The following CELF2 variants were observed in gnomAD, a reference collection of about 807,000 sequenced individuals.
The protein encoded by CELF2 is CUG triplet repeat RNA-binding protein 2.
A neutral mutation model predicts 62.6 loss-of-function variants in CELF2; 8 were observed. The ratio of observed to expected loss-of-function variants is 0.13; its 90% CI spans 0.07 to 0.23. The LOEUF (loss-of-function observed/expected upper bound fraction) is 0.23, where lower values mean the gene tolerates loss of function less well. Among genes scored for constraint, CELF2 ranks in the 10% least tolerant of loss-of-function variants. The probability of loss-of-function intolerance (pLI) is 1.00; values close to 1 mark genes in which losing one functional copy is unlikely to be tolerated. For missense variants in CELF2, 333 were observed against 671.0 expected, an observed-to-expected ratio of 0.50 and a Z score of 5.56; for synonymous variants, 258 against 250.0, an observed-to-expected ratio of 1.03 and a Z score of -0.30.
the CELF2 span, among the ~76,000 whole-genome samples, chr10:10,576,941 A>G: frequency 1.3e-5 from 2 of 152,358 alleles, no homozygotes; most frequent in East Asian, 3.9e-4. Context: ...GGAAGAGGCT[A>G]TTCTACCCCC....
At chr10:10,754,612 T>G in the CELF2 span, among the ~76,000 whole-genome samples, 1 of 152,202 alleles carries the variant, frequency 6.6e-6, no homozygotes, top group Non-Finnish European at 1.5e-5. Context: ...CCAGGTCTAT[T>G]TTTGTTGTTC....
chr10:11,015,914 C>A (rs1436237853), upstream of CELF2, among the ~76,000 whole-genome samples: 2 of 151,710 alleles, frequency 1.3e-5, no homozygotes, highest in Admixed American at 1.3e-4. This position sits in a 1 kb window ranked among gnomAD's most constrained non-coding sequence, Gnocchi z 4.8. Flanking sequence ...GAAACATGTT[C>A]TACCTTATAG....
In CELF2 at chr10:11,243,967, T is replaced by G. The variant is rs2074814478; in HGVS notation, c.355-5186T>G. Among the ~76,000 whole-genome samples, 1 of 152,054 alleles carries G rather than the reference T, an allele frequency of 6.6e-6. No individual in the cohort carries two copies. Among genetic ancestry groups the G allele is most frequent in the South Asian group, 2.1e-4 (1 of 4,820 alleles). On this transcript the variant is annotated intron_variant, in intron 3 of 12. Coordinates refer to ENST00000633077, the MANE Select transcript of CELF2 (RefSeq NM_001326342.2). The surrounding 1 kb of genome is among the most constrained non-coding windows in gnomAD (Gnocchi z 4.1). Reference sequence around the variant, plus strand: ...CTCAGCCCTGACCCTAGCCACACAGTAGGTAGATTGAATTAGCGACCACCA... The same window carrying G: ...CTCAGCCCTGACCCTAGCCACACAGGAGGTAGATTGAATTAGCGACCACCA...
At chr10:11,148,527 A>G (rs1419703288) in intron 1 of CELF2, among the ~76,000 whole-genome samples, 1 of 152,204 alleles carries the variant, frequency 6.6e-6, no homozygotes, top group Non-Finnish European at 1.5e-5. Context: ...AGTCAAGGGC[A>G]GTTTGACACT....
the CELF2 span, among the ~76,000 whole-genome samples, chr10:10,770,811 T>C: frequency 6.6e-6 from 1 of 152,342 alleles, no homozygotes; most frequent in South Asian, 2.1e-4. Context: ...TAATGGATGA[T>C]GAATGCTTGA....
chr10:10,922,231 T>C (rs1290776189), intron 2 of CELF2, among the ~76,000 whole-genome samples: 3 of 152,190 alleles, frequency 2.0e-5, no homozygotes, highest in Non-Finnish European at 4.4e-5. Context: ...GGGTTAAAAC[T>C]GTCCGAGTGT....
Position 11,222,087 on chromosome 10 carries a change from C to A in CELF2, c.354+4580C>A, listed in dbSNP as rs139301058. ...CCAGTGTGGGTAGGCACCTTCCTCC[C>A]AAGCAGGCTTCACTCTGCTCGCCAT... On this transcript the variant is annotated intron_variant, in intron 3 of 12. Coordinates refer to ENST00000633077, the MANE Select transcript of CELF2 (RefSeq NM_001326342.2). Among the ~76,000 whole-genome samples the A allele has an allele frequency of 2.4e-4, 36 of 152,336 alleles. No homozygotes were observed. The East Asian group carries it at 6.0e-3, about 25-fold the overall frequency.
At chr10:11,146,761 G>C (rs2062362375) in intron 1 of CELF2, among the ~76,000 whole-genome samples, 1 of 152,212 alleles carries the variant, frequency 6.6e-6, no homozygotes, top group South Asian at 2.1e-4. Flanking sequence ...GACTCTCCCT[G>C]TCATCAGATA....
At chr10:10,952,123 C>G (rs1208107525) in intron 2 of CELF2, 1 of 152,230 alleles carries the variant, frequency 6.6e-6, no homozygotes, top group East Asian at 1.9e-4. Flanking sequence ...CTGCAGGCAT[C>G]CAAGGGGCGT....
rs1419160089 is a variant in CELF2 at position 11,318,562 on chromosome 10, A to G, written c.1097-2627A>G. ...CCAGAGACACAGCCAGCCTCTGTGA[A>G]GTGGAGCCAGGAGAGAAGGATGTGG... On this transcript the variant is annotated intron_variant, in intron 10 of 12. Transcript: ENST00000633077. The surrounding 1 kb of genome is among the most constrained non-coding windows in gnomAD (Gnocchi z 5.4). 1 of 367,240 alleles carries G rather than the reference A, an allele frequency of 2.7e-6. No homozygotes were observed. Among genetic ancestry groups the G allele is most frequent in the Non-Finnish European group, 5.5e-6 (1 of 183,244 alleles). 22.7% of individuals were successfully genotyped at this position (367,240 alleles called of 1,614,324 possible).
At chr10:10,789,905 A>T in the CELF2 span, among the ~76,000 whole-genome samples, 1 of 152,060 alleles carries the variant, frequency 6.6e-6, no homozygotes, top group Non-Finnish European at 1.5e-5. Context: ...GATTTTTATG[A>T]ACTCAAACAT....
chr10:10,725,002 T>C, the CELF2 span, among the ~76,000 whole-genome samples: 2 of 152,218 alleles, frequency 1.3e-5, no homozygotes, highest in Non-Finnish European at 2.9e-5. Context: ...CTGATTAGTA[T>C]AACCACTTTT....
intron 1 of CELF2, among the ~76,000 whole-genome samples, chr10:10,911,913 T>A (rs1191697688): frequency 6.6e-6 from 1 of 152,230 alleles, no homozygotes; most frequent in Non-Finnish European, 1.5e-5. Flanking sequence ...TGTAGCGATG[T>A]AAAGTATCTC....
chr10:10,815,768 A>T (rs2056399188), intron 1 of CELF2, among the ~76,000 whole-genome samples: 1 of 152,144 alleles, frequency 6.6e-6, no homozygotes, highest in Non-Finnish European at 1.5e-5. Flanking sequence ...GTAAATGAGC[A>T]GACCCAGAAC....
intron 2 of CELF2, among the ~76,000 whole-genome samples, chr10:10,989,745 A>G (rs1216300037): frequency 6.6e-6 from 1 of 152,146 alleles, no homozygotes; most frequent in Non-Finnish European, 1.5e-5. Flanking sequence ...GTGGGAAAAA[A>G]TCTTTTTTAG....
At chr10:10,600,435 T>C in the CELF2 span, among the ~76,000 whole-genome samples, 2 of 152,330 alleles carry the variant, frequency 1.3e-5, no homozygotes, top group East Asian at 3.9e-4. Flanking sequence ...TGATTTTCAC[T>C]TATAATGTCT....
chr10:10,684,347 C>A, the CELF2 span, among the ~76,000 whole-genome samples: 1 of 152,178 alleles, frequency 6.6e-6, no homozygotes, highest in Non-Finnish European at 1.5e-5. Flanking sequence ...TGCTGTTCTA[C>A]GTCCCGCCTT....
the CELF2 span, among the ~76,000 whole-genome samples, chr10:10,631,466 G>A: frequency 6.6e-6 from 1 of 152,132 alleles, no homozygotes; most frequent in African/African-American, 2.4e-5. Context: ...AATTCCAGAA[G>A]TTCTCAAGGA....
the CELF2 span, among the ~76,000 whole-genome samples, chr10:10,589,117 G>A: frequency 2.0e-5 from 3 of 152,318 alleles, no homozygotes; most frequent in Admixed American, 6.5e-5. Flanking sequence ...GATGTACGAT[G>A]TACATTGGTT....
Sources: gnomAD v4.1 joint callset for allele counts (sites outside exome capture counted in the v4.1 genomes callset) on GRCh38, gnomAD v4.1.1 for gene constraint, Gnocchi (gnomAD v3.1) non-coding constraint, MANE v1.5 for transcripts, NCBI Gene and HGNC (gene_info 2026-07-23, HGNC 2026-07-21) for gene names.